Variants in IVNS1ABP observed in about 807,000 individuals in gnomAD.
IVNS1ABP encodes the protein influenza virus NS1A-binding protein.
Under a neutral mutation model 78.9 loss-of-function variants are expected in IVNS1ABP, and 25 were observed. That is an observed-to-expected ratio of 0.32 (90% CI 0.23 to 0.44). IVNS1ABP has a LOEUF of 0.44. Among genes scored for constraint, IVNS1ABP ranks in the 20% least tolerant of loss-of-function variants. The pLI, the probability that IVNS1ABP is intolerant of heterozygous loss-of-function variation, is 1.00. For synonymous variants in IVNS1ABP, 241 were observed against 259.7 expected (o/e 0.93, Z 0.69); for missense variants, 494 against 768.9 (o/e 0.64, Z 4.23).
At chr1:185,306,408 G>A (rs1043870313) in intron 7 of IVNS1ABP, 6 of 1,156,152 alleles carry the variant, frequency 5.2e-6, no homozygotes, top group Admixed American at 3.0e-5. Context: ...CAAGTTAAGT[G>A]AGTGACTATA....
Position 185,305,725 on chromosome 1 carries a change from A to G in IVNS1ABP, c.658-82T>C. 6.6e-7 allele frequency: 1 copy of G among 1,508,326 alleles called. No individual in the cohort carries two copies. The highest frequency in any genetic ancestry group is 9.0e-7 in the Non-Finnish European group (1 of 1,105,616). 93.4% of individuals were successfully genotyped at this position (1,508,326 alleles called of 1,614,324 possible). A position where few individuals can be genotyped will look rare whatever the true frequency, so the allele number is the denominator to read the frequency against. ...GTATGCAGATTACACAAACGCCTCA[A>G]GGTAACCTCCAGTGTGCTTCTTGAG... On this transcript the variant is annotated intron_variant, in intron 7 of 14. Coordinates refer to ENST00000367498, the MANE Select transcript of IVNS1ABP (RefSeq NM_006469.5). The surrounding 1 kb of genome is among the most constrained non-coding windows in gnomAD (Gnocchi z 4.0).
chr1:185,303,140 G>A (rs990467858), intron 8 of IVNS1ABP, among the ~76,000 whole-genome samples: 15 of 152,210 alleles, frequency 9.9e-5, no homozygotes, highest in Admixed American at 2.6e-4. Flanking sequence ...AATGGATGAT[G>A]CTTACATTGA....
At chr1:185,303,043 A>G (rs1198774876) in intron 8 of IVNS1ABP, among the ~76,000 whole-genome samples, 8 of 152,036 alleles carry the variant, frequency 5.3e-5, no homozygotes, top group Admixed American at 5.2e-4. Flanking sequence ...ATAAGGTTAG[A>G]CTTATCTAAC....
chr1:185,306,570 A>C, intron 7 of IVNS1ABP: 2 of 1,274,148 alleles, frequency 1.6e-6, no homozygotes, highest in Non-Finnish European at 2.0e-6. Flanking sequence ...GTGTCAATAC[A>C]CTTGAGGTTT....
rs1665719814 is a variant in IVNS1ABP at position 185,305,625 on chromosome 1, A to T, written c.676T>A (p.Ser226Thr). The change falls in exon 8 of 15, where the codon TCA becomes ACA. Residue 226 changes from serine to threonine, a missense_variant. Coordinates refer to ENST00000367498, the MANE Select transcript of IVNS1ABP (RefSeq NM_006469.5). This position sits in a 1 kb window ranked among gnomAD's most constrained non-coding sequence, Gnocchi z 4.0. ...LMEEVQTLYY[S>T]ADHKLLDGNL... is the part of the protein sequence containing the mutation. ...CCATCAAGCAGCTTGTGATCAGCTG[A>T]GTAGTACAAGGTTTGAACCTGCAAA... The T allele has an allele frequency of 6.2e-7, 1 of 1,613,220 alleles. No homozygotes were observed. Among genetic ancestry groups the T allele is most frequent in the Non-Finnish European group, 8.5e-7 (1 of 1,179,502 alleles).
Position 185,305,297 on chromosome 1 carries a change from G to A in IVNS1ABP, c.765+239C>T, listed in dbSNP as rs1665710534. On this transcript the variant is annotated intron_variant, in intron 8 of 14. Coordinates refer to ENST00000367498, the MANE Select transcript of IVNS1ABP (RefSeq NM_006469.5). The surrounding 1 kb of genome is among the most constrained non-coding windows in gnomAD (Gnocchi z 4.0). Reference sequence around the variant, plus strand: ...TTGTTCCATCTTATTGGCCTTTACTGTTTGTAATTCCTGCTTTATGAGAAA... The same window carrying A: ...TTGTTCCATCTTATTGGCCTTTACTATTTGTAATTCCTGCTTTATGAGAAA... 6.6e-6 allele frequency among the ~76,000 whole-genome samples: 1 copy of A among 151,838 alleles called. No homozygotes were observed. The highest frequency in any genetic ancestry group is 2.4e-5 in the African/African-American group (1 of 41,320).
intron 2 of IVNS1ABP, 143 bp from the exon 3 acceptor site, chr1:185,309,654 C>A: frequency 1.7e-6 from 1 of 579,628 alleles, no homozygotes. Context: ...AAAAACTTAG[C>A]TGAAACAACA....
rs1665517840 is a variant in IVNS1ABP at position 185,299,725 on chromosome 1, C to T, written c.1660G>A (p.Val554Met). The T allele has an allele frequency of 1.2e-6, 2 of 1,613,726 alleles. No individual in the cohort carries two copies. The highest frequency in any genetic ancestry group is 1.7e-6 in the Non-Finnish European group (2 of 1,179,744). The part of the protein sequence containing the change: ...PMNVARRGAG[V>M]AVLNGKLFVC... The stretch of plus-strand genomic sequence containing the variant: ...CAACACTCACCATTAAGAACAGCCA[C>T]TCCAGCTCCTCGCCTAGCCACATTC... Residue 554 changes from valine (V) to methionine (M), a missense_variant, in exon 14 of 15, where the codon GTG (valine) becomes ATG (methionine). Transcript: ENST00000367498.
In IVNS1ABP at chr1:185,296,818, A is replaced by C. The variant is rs937776064; in HGVS notation, c.*1217T>G. The C allele has an allele frequency of 3.3e-5, 5 of 152,172 alleles. No homozygotes were observed. Among genetic ancestry groups the C allele is most frequent in the Admixed American group, 1.3e-4 (2 of 15,270 alleles). The allele number at this position is 152,172 out of a possible 1,614,324, so 9.4% of individuals were successfully genotyped here. A position where few individuals can be genotyped will look rare whatever the true frequency, so the allele number is the denominator to read the frequency against. ...TGAGTTATTTTCCACAAATTTCTTA[A>C]GCTCATTACTGGAAAAAAAAATTTC... On this transcript the variant is annotated 3_prime_UTR_variant, in exon 15 of 15. Transcript: ENST00000367498.
In IVNS1ABP at chr1:185,305,443, C is replaced by T; in HGVS notation, c.765+93G>A. 7.2e-7 allele frequency: 1 copy of T among 1,391,240 alleles called. No individual in the cohort carries two copies. 86.2% of individuals were successfully genotyped at this position (1,391,240 alleles called of 1,614,324 possible). ...GTCCAGTTATACCAATGAAATTGGT[C>T]CACTTTCCTTTATTAAAGGAAAATT... On this transcript the variant is annotated intron_variant, in intron 8 of 14. Coordinates refer to ENST00000367498, the MANE Select transcript of IVNS1ABP (RefSeq NM_006469.5). The surrounding 1 kb of genome is among the most constrained non-coding windows in gnomAD (Gnocchi z 4.0).
Position 185,297,829 on chromosome 1 carries a change from G to A in IVNS1ABP, c.*206C>T. The A allele has an allele frequency of 1.9e-6, 1 of 537,108 alleles. No individual in the cohort carries two copies. The allele number at this position is 537,108 out of a possible 1,614,324, so 33.3% of individuals were successfully genotyped here. ...AAGTAAAATAACCAAAGTCTTAAAA[G>A]TACACAAAACAGACCTTCATCTTTG... On this transcript the variant is annotated 3_prime_UTR_variant, in exon 15 of 15. Coordinates refer to ENST00000367498, the MANE Select transcript of IVNS1ABP (RefSeq NM_006469.5).
rs530776011 is a variant in IVNS1ABP at position 185,315,896 on chromosome 1, AACGCTCCATCACTGC to A, written c.-247+1042_-247+1056del. ...GAACAGCTTGATGCCAAGGTGTTCT[AACGCTCCATCACTGC>A]ACGCTCCATCACAAAAATGCGCCCT... On this transcript the variant is annotated intron_variant, in intron 1 of 14. Transcript: ENST00000367498. Among the ~76,000 whole-genome samples, 437 of 152,326 alleles carry A rather than the reference AACGCTCCATCACTGC, an allele frequency of 2.9e-3. 1 individual carries two copies. Among genetic ancestry groups the A allele is most frequent in the Non-Finnish European group, 5.2e-3 (354 of 68,010 alleles).
intron 8 of IVNS1ABP, among the ~76,000 whole-genome samples, chr1:185,303,770 T>C (rs1290240195): frequency 6.6e-6 from 1 of 152,120 alleles, no homozygotes; most frequent in Non-Finnish European, 1.5e-5. Flanking sequence ...TTTCTGTGTC[T>C]GGTTATAAAA....
chr1:185,300,646 CAAT>C, intron 10 of IVNS1ABP, 88 bp from the exon 11 acceptor site: 2 of 1,371,564 alleles, frequency 1.5e-6, no homozygotes, highest in South Asian at 1.3e-5. Flanking sequence ...GAAATCTGCA[CAAT>C]GAGAAAAAGT....
intron 5 of IVNS1ABP, among the ~76,000 whole-genome samples, chr1:185,308,239 T>C (rs1290722507): frequency 6.6e-6 from 1 of 152,202 alleles, no homozygotes; most frequent in Non-Finnish European, 1.5e-5. Flanking sequence ...TAGGCCATTC[T>C]GTTTGTCACA....
At chr1:185,299,629 G>A (rs1188118456) in intron 14 of IVNS1ABP, 81 bp downstream of exon 14, 1 of 1,282,398 alleles carries the variant, frequency 7.8e-7, no homozygotes, top group African/African-American at 1.5e-5. Context: ...TACAACTATA[G>A]TCATTGGCCT....
At chr1:185,308,769 T>TA in intron 5 of IVNS1ABP, 31 bp downstream of exon 5, 1 of 1,505,608 alleles carries the variant, frequency 6.6e-7, no homozygotes, top group Non-Finnish European at 9.1e-7. Flanking sequence ...TAAGACTCCA[T>TA]AAATGATTTT....
intron 7 of IVNS1ABP, 27 bp downstream of exon 7, chr1:185,306,987 T>G: frequency 1.9e-6 from 3 of 1,607,494 alleles, no homozygotes; most frequent in Non-Finnish European, 2.6e-6. Flanking sequence ...TTAAAAATGG[T>G]TGAATCCCAT....
chr1:185,298,758 C>G lies in IVNS1ABP; in HGVS notation c.1676-470G>C, dbSNP rs932908333. On this transcript the variant is annotated intron_variant, in intron 14 of 14. Coordinates refer to ENST00000367498, the MANE Select transcript of IVNS1ABP (RefSeq NM_006469.5). The surrounding 1 kb of genome is among the most constrained non-coding windows in gnomAD (Gnocchi z 4.1). ...AGCAGAAAAATATCTTAGGGCTTTC[C>G]AACTGTATAAAATGATTTTGGGGCC... 1.2e-5 allele frequency: 2 copies of G among 160,354 alleles called. No individual in the cohort carries two copies. Among genetic ancestry groups the G allele is most frequent in the African/African-American group, 4.8e-5 (2 of 41,382 alleles). 9.9% of individuals were successfully genotyped at this position (160,354 alleles called of 1,614,324 possible). A position where few individuals can be genotyped will look rare whatever the true frequency, so the allele number is the denominator to read the frequency against.
Sources: gnomAD v4.1 joint callset for allele counts (sites outside exome capture counted in the v4.1 genomes callset) on GRCh38, gnomAD v4.1.1 for gene constraint, Gnocchi (gnomAD v3.1) non-coding constraint, MANE v1.5 for transcripts, NCBI Gene and HGNC (gene_info 2026-07-23, HGNC 2026-07-21) for gene names.